The following SCUBE3 variants were observed in gnomAD, a reference collection of about 807,000 sequenced individuals.
SCUBE3 encodes the protein signal peptide, CUB and EGF-like domain-containing protein 3.
SCUBE3 carries 33 observed loss-of-function variants against 116.8 expected under a neutral mutation model. The ratio of observed to expected loss-of-function variants is 0.28; its 90% confidence interval spans 0.21 to 0.38. The LOEUF is 0.38. Ranked by LOEUF, SCUBE3 falls within the 10% of genes least tolerant of loss-of-function variation. The pLI, the probability that SCUBE3 is intolerant of heterozygous loss-of-function variation, is 1.00. For synonymous variants in SCUBE3, 418 were observed against 496.9 expected (o/e 0.84, Z 2.11); for missense variants, 1,007 against 1,324.8 (o/e 0.76, Z 3.72).
At chr6:35,237,314 G>C (rs1783816063) in intron 6 of SCUBE3, among the ~76,000 whole-genome samples, 1 of 152,192 alleles carries the variant, frequency 6.6e-6, no homozygotes, top group African/African-American at 2.4e-5. Flanking sequence ...CTCCTCTGAG[G>C]ATGAGCAGTC....
rs758619495 is a variant in SCUBE3, at chr6:35,243,726, T to C, written c.2042T>C (p.Leu681Pro). 7 of 1,613,974 alleles carry C rather than the reference T, an allele frequency of 4.3e-6. No homozygotes were observed. In the South Asian group the frequency reaches 4.4e-5, roughly 10 times the overall value. Residue 681 changes from leucine (L) to proline (P), a missense_variant, in exon 16 of 22, where the codon CTT becomes CCT. Leu to Pro is a moderately conservative substitution (Grantham distance 98). Coordinates refer to ENST00000274938, the MANE Select transcript of SCUBE3 (RefSeq NM_152753.4). The surrounding 1 kb of genome is among the most constrained non-coding windows in gnomAD (Gnocchi z 6.6). ...LCPGSDAHGP[L>P]GATNVTTCAG... ...CCTGGGAGTGATGCCCACGGGCCTCTTGGAGCCACCAACGTCACCACGTGT... is the reference window on the plus strand; with the variant it reads ...CCTGGGAGTGATGCCCACGGGCCTCCTGGAGCCACCAACGTCACCACGTGT...
At chr6:35,222,425 A>G (rs1783151441) in intron 1 of SCUBE3, 5 of 152,144 alleles carry the variant, frequency 3.3e-5, no homozygotes, top group Admixed American at 3.3e-4. Context: ...CTACTTTAGG[A>G]GAGTTTATGG....
chr6:35,228,469 C>T lies in SCUBE3; in HGVS notation c.209-145C>T, dbSNP rs1783411971. On this transcript the variant is annotated intron_variant, in intron 2 of 21. Coordinates refer to ENST00000274938, the MANE Select transcript of SCUBE3 (RefSeq NM_152753.4). The surrounding 1 kb of genome is among the most constrained non-coding windows in gnomAD (Gnocchi z 4.9). The stretch of plus-strand genomic sequence containing the variant: ...GATGGAGACCTGAAAATGTTCATGA[C>T]TTAGGTTTAAATGAAAACAGAAAAA... 1.5e-6 allele frequency: 1 copy of T among 649,000 alleles called. No individual in the cohort carries two copies. The highest frequency in any genetic ancestry group is 2.5e-6 in the Non-Finnish European group (1 of 398,068). The allele number at this position is 649,000 out of a possible 1,614,324, so 40.2% of individuals were successfully genotyped here.
rs898740158 is a variant in SCUBE3 at position 35,231,836 on chromosome 6, A to G, written c.446A>G (p.His149Arg). The G allele has an allele frequency of 6.2e-7, 1 of 1,612,762 alleles. No homozygotes were observed. The highest frequency in any genetic ancestry group is 8.5e-7 in the Non-Finnish European group (1 of 1,179,028). The change falls in exon 4 of 22, where the codon CAT (histidine) becomes CGT (arginine). Residue 149 changes from histidine (H) to arginine (R), a missense_variant. His to Arg is a conservative substitution (Grantham distance 29). This residue lies in a region of SCUBE3 where 214 missense variants were observed against 316.7 expected (regional missense o/e 0.68). Coordinates refer to ENST00000274938, the MANE Select transcript of SCUBE3 (RefSeq NM_152753.4). This position sits in a 1 kb window ranked among gnomAD's most constrained non-coding sequence, Gnocchi z 4.2. ...REGFFLSDNQHTCIQRPEEGM... is the reference protein window; with the variant it reads ...REGFFLSDNQRTCIQRPEEGM... ...GGCTTCTTCCTCAGCGACAACCAGCATACCTGTATCCAGCGGCCAGAAGGT... is the reference window on the plus strand; with the variant it reads ...GGCTTCTTCCTCAGCGACAACCAGCGTACCTGTATCCAGCGGCCAGAAGGT...
Position 35,243,062 on chromosome 6 carries a change from C to T in SCUBE3, c.1735C>T (p.Arg579Trp), listed in dbSNP as rs143191991. 2.0e-4 allele frequency: 328 copies of T among 1,614,118 alleles called. 1 individual carries two copies. The African/African-American group carries it at 3.9e-3, about 19-fold the overall frequency. Reference sequence around the variant, plus strand: ...CTGCCTCCGACAGCGAATGGAACGGCGGCTGAAAGGATCCCTGAAGATGCT... The same window carrying T: ...CTGCCTCCGACAGCGAATGGAACGGTGGCTGAAAGGATCCCTGAAGATGCT... Reference protein sequence around the residue: ...LPCLRQRMERRLKGSLKMLRK... With the variant: ...LPCLRQRMERWLKGSLKMLRK... Residue 579 changes from arginine (R) to tryptophan (W), a missense_variant, in exon 15 of 22, where the codon CGG becomes TGG. Physicochemically the swap from Arg to Trp is moderately radical, Grantham distance 101. Coordinates refer to ENST00000274938, the MANE Select transcript of SCUBE3 (RefSeq NM_152753.4). This position sits in a 1 kb window ranked among gnomAD's most constrained non-coding sequence, Gnocchi z 6.6.
intron 21 of SCUBE3, 114 bp downstream of exon 21, chr6:35,246,399 A>G (rs1303323879): frequency 1.3e-6 from 1 of 774,358 alleles, no homozygotes. Flanking sequence ...CAATAGCTCT[A>G]TGAGGTAGGT....
chr6:35,222,225 A>C (rs1384539279), intron 1 of SCUBE3: 1 of 152,072 alleles, frequency 6.6e-6, no homozygotes, highest in Non-Finnish European at 1.5e-5. Flanking sequence ...TCCATTTGTT[A>C]CTGTTCCTGA....
chr6:35,220,677 G>GGTTC (rs1783089556), intron 1 of SCUBE3: 3 of 152,236 alleles, frequency 2.0e-5, no homozygotes, highest in African/African-American at 7.2e-5. Flanking sequence ...AAGCTTCTGA[G>GGTTC]GTTCAGACCC....
At chr6:35,215,247 G>A (rs956334521) in intron 1 of SCUBE3, among the ~76,000 whole-genome samples, 4 of 152,050 alleles carry the variant, frequency 2.6e-5, no homozygotes, top group African/African-American at 7.3e-5. Flanking sequence ...AGAATTCCAG[G>A]CCGGGGAGCT....
rs1782799165 is a variant in SCUBE3 at position 35,214,366 on chromosome 6, C to T, written c.-53C>T. The T allele has an allele frequency of 4.8e-6, 6 of 1,246,324 alleles. No homozygotes were observed. Among genetic ancestry groups the T allele is most frequent in the Non-Finnish European group, 5.3e-6 (5 of 951,422 alleles). 77.2% of individuals were successfully genotyped at this position (1,246,324 alleles called of 1,614,324 possible). A position where few individuals can be genotyped will look rare whatever the true frequency, so the allele number is the denominator to read the frequency against. ...AGCTGGGATCCGGCCGGCTTCCGCCCTCCCCTGGCCGCGAGACCGGCCCCG... is the reference window on the plus strand; with the variant it reads ...AGCTGGGATCCGGCCGGCTTCCGCCTTCCCCTGGCCGCGAGACCGGCCCCG... On this transcript the variant is annotated 5_prime_UTR_variant, in exon 1 of 22. Coordinates refer to ENST00000274938, the MANE Select transcript of SCUBE3 (RefSeq NM_152753.4). The surrounding 1 kb of genome is among the most constrained non-coding windows in gnomAD (Gnocchi z 6.3).
Position 35,253,039 on chromosome 6 carries a change from G to A in SCUBE3, c.*4334G>A, listed in dbSNP as rs1318479100. ...AAAAAGAAATGTTTGGATTTTGTAT[G>A]TCTTTTTTATTATTATTAAAATACT... is the stretch of plus-strand genomic sequence containing the variant. On this transcript the variant is annotated 3_prime_UTR_variant, in exon 22 of 22. Transcript: ENST00000274938. 1 of 152,112 alleles carries A rather than the reference G, an allele frequency of 6.6e-6. No individual in the cohort carries two copies. The highest frequency in any genetic ancestry group is 1.5e-5 in the Non-Finnish European group (1 of 68,002). 9.4% of individuals were successfully genotyped at this position (152,112 alleles called of 1,614,324 possible).
rs1189184403 is a variant in SCUBE3 at position 35,231,907 on chromosome 6, C to A, written c.469+48C>A. The A allele has an allele frequency of 6.5e-7, 1 of 1,537,774 alleles. No homozygotes were observed. The highest frequency in any genetic ancestry group is 1.4e-5 in the African/African-American group (1 of 73,534). ...CCCCATCCCTGCCCTCCCCAGGCTT[C>A]TCTTCCCAGCTGTCCCTCAGCAGCC... On this transcript the variant is annotated intron_variant, in intron 4 of 21. Coordinates refer to ENST00000274938, the MANE Select transcript of SCUBE3 (RefSeq NM_152753.4). This position sits in a 1 kb window ranked among gnomAD's most constrained non-coding sequence, Gnocchi z 4.2.
At position 35,240,734 on chromosome 6, in the gene SCUBE3, C is replaced by T. The variant is rs114443780; in HGVS notation, c.1069+244C>T. Among the ~76,000 whole-genome samples, 2 of 152,342 alleles carry T rather than the reference C, an allele frequency of 1.3e-5. No individual in the cohort carries two copies. The highest frequency in any genetic ancestry group is 2.9e-5 in the Non-Finnish European group (2 of 68,040). On this transcript the variant is annotated intron_variant, in intron 9 of 21. Coordinates refer to ENST00000274938, the MANE Select transcript of SCUBE3 (RefSeq NM_152753.4). This position sits in a 1 kb window ranked among gnomAD's most constrained non-coding sequence, Gnocchi z 4.6. ...TCCTATAACTGTCCCTGAACCCCCA[C>T]TCTCAGCTCCCAAATGACAGTCTCA...
At position 35,241,771 on chromosome 6, in the gene SCUBE3, G is replaced by A; in HGVS notation, c.1313-35G>A. ...TCCTCCAGCCAGCGGGGGTTGGGAAGGCAGGTCAGAACTGTGACAGGCTCC... is the reference window on the plus strand; with the variant it reads ...TCCTCCAGCCAGCGGGGGTTGGGAAAGCAGGTCAGAACTGTGACAGGCTCC... On this transcript the variant is annotated intron_variant, in intron 11 of 21. Coordinates refer to ENST00000274938, the MANE Select transcript of SCUBE3 (RefSeq NM_152753.4). This position sits in a 1 kb window ranked among gnomAD's most constrained non-coding sequence, Gnocchi z 4.1. 5.1e-6 allele frequency: 8 copies of A among 1,569,624 alleles called. No individual in the cohort carries two copies. Among genetic ancestry groups the A allele is most frequent in the Non-Finnish European group, 6.1e-6 (7 of 1,139,516 alleles).
At position 35,245,891 on chromosome 6, in the gene SCUBE3, G is replaced by A; in HGVS notation, c.2600-53G>A. ...CAGCTGTACAGCCCACGTTCTAGGA[G>A]GGCTTGGGTAGCCTGCCCTGCTGCT... is the stretch of plus-strand genomic sequence containing the variant. On this transcript the variant is annotated intron_variant, in intron 19 of 21. Transcript: ENST00000274938. This position sits in a 1 kb window ranked among gnomAD's most constrained non-coding sequence, Gnocchi z 4.2. 2 of 1,597,278 alleles carry A rather than the reference G, an allele frequency of 1.3e-6. No homozygotes were observed. The highest frequency in any genetic ancestry group is 1.7e-6 in the Non-Finnish European group (2 of 1,169,482).
chr6:35,236,608 C>A (rs2150303922), intron 6 of SCUBE3, among the ~76,000 whole-genome samples: 1 of 152,304 alleles, frequency 6.6e-6, no homozygotes, highest in African/African-American at 2.4e-5. Flanking sequence ...TTTGAGGGAC[C>A]AGGGCATGGC....
Position 35,248,852 on chromosome 6 carries a change from C to A in SCUBE3, c.*147C>A. ...TCACTACACAAACCAGGCACTCTCCCTTTCTGTCTTTCTAGTTTCCTTTCC... is the reference window on the plus strand; with the variant it reads ...TCACTACACAAACCAGGCACTCTCCATTTCTGTCTTTCTAGTTTCCTTTCC... On this transcript the variant is annotated 3_prime_UTR_variant, in exon 22 of 22. Coordinates refer to ENST00000274938, the MANE Select transcript of SCUBE3 (RefSeq NM_152753.4). The A allele has an allele frequency of 1.6e-6, 1 of 642,988 alleles. No individual in the cohort carries two copies. The highest frequency in any genetic ancestry group is 2.6e-5 in the East Asian group (1 of 38,032). 39.8% of individuals were successfully genotyped at this position (642,988 alleles called of 1,614,324 possible).
chr6:35,244,134 A>G lies in SCUBE3; in HGVS notation c.2239+4A>G. 1 of 1,612,372 alleles carries G rather than the reference A, an allele frequency of 6.2e-7. No homozygotes were observed. The highest frequency in any genetic ancestry group is 8.5e-7 in the Non-Finnish European group (1 of 1,178,976). On this transcript the variant is annotated splice_donor_region_variant and intron_variant, in intron 17 of 21. Transcript: ENST00000274938. The surrounding 1 kb of genome is among the most constrained non-coding windows in gnomAD (Gnocchi z 4.3). ...TTCCAAGACTGTGACACCAAAGGTG[A>G]GTAAGCTACTCACCTCCCTGGGGGA...
Position 35,245,303 on chromosome 6 carries a change from C to T in SCUBE3, c.2477C>T (p.Ala826Val). 1 of 1,614,066 alleles carries T rather than the reference C, an allele frequency of 6.2e-7. No homozygotes were observed. ...CCCAACTACCCGGGCAACTACCCAG[C>T]TGGTGTGGAGTGCATCTGGAACATC... ...ESPNYPGNYP[A>V]GVECIWNINP... The change falls in exon 19 of 22, where the codon GCT becomes GTT. Residue 826 changes from alanine to valine, a missense_variant. By Grantham distance (64) the Ala-to-Val change is moderately conservative (BLOSUM62 0). Coordinates refer to ENST00000274938, the MANE Select transcript of SCUBE3 (RefSeq NM_152753.4). The surrounding 1 kb of genome is among the most constrained non-coding windows in gnomAD (Gnocchi z 4.2).
Sources: gnomAD v4.1 joint callset for allele counts (sites outside exome capture counted in the v4.1 genomes callset) on GRCh38, gnomAD v4.1.1 for gene constraint, gnomAD v4.1.1 regional missense constraint, Gnocchi (gnomAD v3.1) non-coding constraint, MANE v1.5 for transcripts, NCBI Gene and HGNC (gene_info 2026-07-23, HGNC 2026-07-21) for gene names.